Variants in SPOP observed in about 807,000 individuals in gnomAD.
SPOP encodes the protein speckle type BTB/POZ protein.
Under a neutral mutation model 45.6 loss-of-function variants are expected in SPOP, and 11 were observed. The observed-to-expected ratio is 0.24, with a 90% confidence interval of 0.15 to 0.40. The LOEUF (loss-of-function observed/expected upper bound fraction) is 0.40. Ranked by LOEUF, SPOP falls within the 10% of genes least tolerant of loss-of-function variation. SPOP has a pLI of 1.00. For synonymous variants in SPOP, 166 were observed against 166.3 expected, an observed-to-expected ratio of 1.00 and a Z score of 0.01; for missense variants, 152 against 465.6, an observed-to-expected ratio of 0.33 and a Z score of 6.20.
intron 1 of SPOP, 123 bp downstream of exon 1, chr17:49,677,810 G>A: frequency 2.6e-6 from 1 of 391,698 alleles, no homozygotes; most frequent in East Asian, 3.6e-5. Flanking sequence ...ATGGGACTGA[G>A]GAGAGTATAT....
intron 1 of SPOP, among the ~76,000 whole-genome samples, chr17:49,659,340 T>C (rs535984863): frequency 5.6e-4 from 86 of 152,302 alleles, no homozygotes; most frequent in Middle Eastern, 6.8e-3. Context: ...TAAACATCAA[T>C]ACAACCAAAG....
intron 3 of SPOP, among the ~76,000 whole-genome samples, chr17:49,620,977 CA>C (rs1420187078): frequency 6.6e-6 from 1 of 152,016 alleles, no homozygotes; most frequent in Non-Finnish European, 1.5e-5. Context: ...AATATATAGC[CA>C]AAAAATACTA....
intron 8 of SPOP, among the ~76,000 whole-genome samples, chr17:49,605,191 G>A (rs1278002453): frequency 2.0e-5 from 3 of 152,156 alleles, no homozygotes; most frequent in Non-Finnish European, 4.4e-5. Context: ...GTGTCATGAA[G>A]TACAATTTAT....
At chr17:49,614,321 G>C (rs1254674066) in intron 5 of SPOP, among the ~76,000 whole-genome samples, 1 of 152,090 alleles carries the variant, frequency 6.6e-6, no homozygotes, top group Non-Finnish European at 1.5e-5. Context: ...ACTAAATATG[G>C]ATGAAGTATA....
At chr17:49,676,917 C>T (rs999760343) in intron 1 of SPOP, among the ~76,000 whole-genome samples, 1 of 152,194 alleles carries the variant, frequency 6.6e-6, no homozygotes, top group African/African-American at 2.4e-5. Flanking sequence ...AAAACCTCCA[C>T]TGAATAAGTT....
chr17:49,646,575 A>C (rs1277165555), intron 1 of SPOP: 1 of 151,752 alleles, frequency 6.6e-6, no homozygotes, highest in Non-Finnish European at 1.5e-5. Context: ...TTCCACCCCC[A>C]TCCTCCTTTA....
intron 1 of SPOP, among the ~76,000 whole-genome samples, chr17:49,627,775 C>CT (rs1313070885): frequency 1.3e-5 from 2 of 151,990 alleles, no homozygotes; most frequent in African/African-American, 4.8e-5. Flanking sequence ...TTTTTCCCAC[C>CT]TTTTTTTGCT....
intron 1 of SPOP, among the ~76,000 whole-genome samples, chr17:49,652,113 CTT>C (rs1179334340): frequency 6.6e-6 from 1 of 151,950 alleles, no homozygotes; most frequent in Admixed American, 6.6e-5. Context: ...AAATCCAAAA[CTT>C]TTTAAGCACG....
chr17:49,622,635 A>G, intron 2 of SPOP, 98 bp downstream of exon 2: 3 of 1,035,008 alleles, frequency 2.9e-6, no homozygotes, highest in Non-Finnish European at 4.5e-6. Flanking sequence ...TATGTTCCAG[A>G]GAAAGCAAGA....
intron 1 of SPOP, among the ~76,000 whole-genome samples, chr17:49,659,783 CAT>C (rs1001037586): frequency 6.6e-6 from 1 of 152,154 alleles, no homozygotes; most frequent in African/African-American, 2.4e-5. Flanking sequence ...TCAAATTTAA[CAT>C]GTCTAAAATT....
chr17:49,622,977 G>T, intron 1 of SPOP, 101 bp from the exon 2 acceptor site: 2 of 588,004 alleles, frequency 3.4e-6, no homozygotes, highest in South Asian at 2.2e-5. Context: ...TCTCCACATT[G>T]TTTGAGTGGC....
chr17:49,623,186 T>G (rs1343972273), intron 1 of SPOP, among the ~76,000 whole-genome samples: 1 of 152,184 alleles, frequency 6.6e-6, no homozygotes, highest in Non-Finnish European at 1.5e-5. Context: ...TTGTGTATTT[T>G]TAGCAGAGAC....
chr17:49,636,109 C>T (rs1347028718), intron 1 of SPOP: 1 of 152,172 alleles, frequency 6.6e-6, no homozygotes, highest in African/African-American at 2.4e-5. Context: ...AATTATCCGC[C>T]ACCTCAGTCT....
chr17:49,659,117 C>T (rs1288951779), intron 1 of SPOP, among the ~76,000 whole-genome samples: 1 of 152,226 alleles, frequency 6.6e-6, no homozygotes, highest in Non-Finnish European at 1.5e-5. Flanking sequence ...GTAAGGACCA[C>T]ATCACAGAGA....
intron 1 of SPOP, among the ~76,000 whole-genome samples, chr17:49,631,599 T>G (rs2072452929): frequency 6.6e-6 from 1 of 152,238 alleles, no homozygotes. Context: ...AAAGGAATTC[T>G]TCAGTGGCCT....
At chr17:49,637,424 C>G (rs2072561795) in intron 1 of SPOP, among the ~76,000 whole-genome samples, 1 of 152,038 alleles carries the variant, frequency 6.6e-6, no homozygotes, top group South Asian at 2.1e-4. Context: ...GATCTCAGCC[C>G]ACTGCAACCT....
chr17:49,649,614 A>C (rs2072813429), intron 1 of SPOP, among the ~76,000 whole-genome samples: 1 of 151,632 alleles, frequency 6.6e-6, no homozygotes, highest in Non-Finnish European at 1.5e-5. Flanking sequence ...GGGCAGATCA[A>C]GAGGTCAGAT....
intron 1 of SPOP, among the ~76,000 whole-genome samples, chr17:49,634,551 TA>T (rs1567787246): frequency 6.6e-6 from 1 of 152,200 alleles, no homozygotes; most frequent in Non-Finnish European, 1.5e-5. Context: ...AAGAACCTTA[TA>T]AAATCTAAAC....
chr17:49,668,810 C>T (rs2073097112), intron 1 of SPOP, among the ~76,000 whole-genome samples: 1 of 145,626 alleles, frequency 6.9e-6, no homozygotes, highest in African/African-American at 2.6e-5. Context: ...GTCTCTCACT[C>T]TTGTCACCCA....
Sources: allele counts gnomAD v4.1 joint callset (sites outside exome capture counted in the v4.1 genomes callset), GRCh38; gene constraint gnomAD v4.1.1; transcripts MANE v1.5; gene names NCBI Gene and HGNC (gene_info 2026-07-23, HGNC 2026-07-21).